Variants in PDZD2 observed in about 807,000 individuals in gnomAD.
PDZD2 encodes the protein PDZ domain-containing protein 2.
A neutral mutation model predicts 220.7 loss-of-function variants in PDZD2; 90 were observed. The ratio of observed to expected loss-of-function variants is 0.41; its 90% CI spans 0.34 to 0.49. The LOEUF is 0.49. Among genes scored for constraint, PDZD2 ranks in the 20% least tolerant of loss-of-function variants. The pLI is 0.28. For synonymous variants in PDZD2, 1,375 were observed against 1,450.5 expected, an observed-to-expected ratio of 0.95 and a Z score of 1.18; for missense variants, 3,174 against 3,608.5, an observed-to-expected ratio of 0.88 and a Z score of 3.08.
chr5:31,887,157 A>G (rs190768417), intron 2 of PDZD2, among the ~76,000 whole-genome samples: 6 of 152,332 alleles, frequency 3.9e-5, no homozygotes, highest in East Asian at 3.9e-4. Context: ...GACCAGTTCA[A>G]TGAGTTCTGA....
intron 19 of PDZD2, among the ~76,000 whole-genome samples, chr5:32,079,269 C>CAAA (rs796887034): frequency 3.6e-5 from 3 of 82,834 alleles, no homozygotes; most frequent in African/African-American, 1.6e-4. Flanking sequence ...AAAAAAAAAA[C>CAAA]AAAAAAAAAA....
intron 18 of PDZD2, 124 bp downstream of exon 18, chr5:32,074,767 T>A: frequency 1.5e-6 from 1 of 660,044 alleles, no homozygotes; most frequent in South Asian, 2.0e-5. Context: ...AGAATTATCT[T>A]TCAACAGAGT....
intron 2 of PDZD2, among the ~76,000 whole-genome samples, chr5:31,890,270 A>G (rs1740908154): frequency 1.3e-5 from 2 of 151,870 alleles, no homozygotes; most frequent in Admixed American, 6.6e-5. Context: ...CACGTGTGAA[A>G]TGTGACGCAC....
chr5:31,961,368 CAA>C (rs60867902), intron 2 of PDZD2, among the ~76,000 whole-genome samples: 9 of 130,738 alleles, frequency 6.9e-5, no homozygotes, highest in Non-Finnish European at 6.5e-5. Flanking sequence ...TCCGTCTCTA[CAA>C]AAAAAAAAAA....
chr5:32,003,368 A>AC (rs1561318202), intron 5 of PDZD2, among the ~76,000 whole-genome samples: 8 of 58,104 alleles, frequency 1.4e-4, no homozygotes, highest in East Asian at 1.3e-3. Flanking sequence ...CACACCACAC[A>AC]CACACCACAC....
At chr5:31,821,002 C>A (rs1755805855) in intron 2 of PDZD2, among the ~76,000 whole-genome samples, 1 of 151,928 alleles carries the variant, frequency 6.6e-6, no homozygotes, top group Non-Finnish European at 1.5e-5. Flanking sequence ...CCCTCATCTG[C>A]AGCACTGGAT....
intron 2 of PDZD2, among the ~76,000 whole-genome samples, chr5:31,934,490 C>T (rs962912731): frequency 6.6e-6 from 1 of 151,220 alleles, no homozygotes; most frequent in Non-Finnish European, 1.5e-5. Flanking sequence ...CAGTAAAAGG[C>T]GGATCCTGTT....
chr5:31,994,026 G>A (rs1336102284), intron 3 of PDZD2, among the ~76,000 whole-genome samples: 1 of 151,660 alleles, frequency 6.6e-6, no homozygotes, highest in Non-Finnish European at 1.5e-5. Flanking sequence ...TGTTTTTTTT[G>A]TTTGTTGGGG....
Position 32,090,748 on chromosome 5 carries a change from A to C in PDZD2, c.7300A>C (p.Ser2434Arg). ...TISRQNPPET[S>R]SKGSDSELKK... ...CTCTCGGCAGAACCCACCAGAGACC[A>C]GTAGCAAGGGCTCTGATTCGGAACT... is the stretch of plus-strand genomic sequence containing the variant. Residue 2434 changes from serine to arginine, a missense_variant, in exon 20 of 25, where the codon AGT becomes CGT. Transcript: ENST00000438447. This position sits in a 1 kb window ranked among gnomAD's most constrained non-coding sequence, Gnocchi z 4.3. 1 of 1,614,138 alleles carries C rather than the reference A, an allele frequency of 6.2e-7. No homozygotes were observed. The highest frequency in any genetic ancestry group is 8.5e-7 in the Non-Finnish European group (1 of 1,179,992).
intron 19 of PDZD2, among the ~76,000 whole-genome samples, chr5:32,079,101 CAT>C (rs369165524): frequency 1.0e-4 from 15 of 150,476 alleles, no homozygotes; most frequent in African/African-American, 3.2e-4. Context: ...CTCTACTAAA[CAT>C]AAAAAAATTA....
At chr5:31,908,889 A>G (rs1742930663) in intron 2 of PDZD2, 2 of 407,666 alleles carry the variant, frequency 4.9e-6, no homozygotes, top group East Asian at 6.8e-5. Context: ...TACCAAAAAT[A>G]CAGAAAATTA....
At position 32,072,412 on chromosome 5, in the gene PDZD2, C is replaced by T. The variant is rs562154450; in HGVS notation, c.2725+95C>T. 29 of 984,466 alleles carry T rather than the reference C, an allele frequency of 2.9e-5. No individual in the cohort carries two copies. In the East Asian group the frequency reaches 6.1e-4, roughly 21 times the overall value. 61.0% of individuals were successfully genotyped at this position (984,466 alleles called of 1,614,324 possible). ...GCTGGCGGCTACAATGGTTTAGCTACCCTGGCGCTGTAATACGAGAAAAGA... is the reference window on the plus strand; with the variant it reads ...GCTGGCGGCTACAATGGTTTAGCTATCCTGGCGCTGTAATACGAGAAAAGA... On this transcript the variant is annotated intron_variant, in intron 17 of 24. Coordinates refer to ENST00000438447, the MANE Select transcript of PDZD2 (RefSeq NM_178140.4).
intron 2 of PDZD2, among the ~76,000 whole-genome samples, chr5:31,962,141 T>C (rs1195204767): frequency 1.3e-5 from 2 of 152,246 alleles, no homozygotes; most frequent in African/African-American, 4.8e-5. Context: ...TTGGACCTTA[T>C]AAACTTTGTG....
chr5:31,972,366 A>G (rs1474115831), intron 2 of PDZD2, among the ~76,000 whole-genome samples: 2 of 152,146 alleles, frequency 1.3e-5, no homozygotes, highest in Non-Finnish European at 2.9e-5. Flanking sequence ...CACCCGCCTC[A>G]GTCTCCCCAA....
At chr5:31,967,603 CG>C (rs1474491282) in intron 2 of PDZD2, among the ~76,000 whole-genome samples, 1 of 152,144 alleles carries the variant, frequency 6.6e-6, no homozygotes. Flanking sequence ...CTCTGAGATA[CG>C]GTCTGCCCTC....
chr5:31,647,854 G>A (rs543322900), intron 1 of PDZD2, among the ~76,000 whole-genome samples: 1 of 152,258 alleles, frequency 6.6e-6, no homozygotes, highest in Admixed American at 6.5e-5. Flanking sequence ...TTGTGGTTAC[G>A]GAATTCTCTG....
At chr5:32,107,126 T>C (rs967120078) in intron 24 of PDZD2, among the ~76,000 whole-genome samples, 10 of 152,218 alleles carry the variant, frequency 6.6e-5, no homozygotes, top group East Asian at 3.8e-4. Flanking sequence ...CCATTTTTTT[T>C]CCATAAGATG....
At chr5:31,819,438 C>T (rs1367550901) in intron 2 of PDZD2, among the ~76,000 whole-genome samples, 1 of 152,008 alleles carries the variant, frequency 6.6e-6, no homozygotes, top group Non-Finnish European at 1.5e-5. Context: ...GGGTGGATCA[C>T]CTGAGGTCAG....
At position 32,077,479 on chromosome 5, in the gene PDZD2, G is replaced by C. The variant is rs767031371; in HGVS notation, c.3555G>C (p.Leu1185=). The change falls in exon 19 of 25, where the codon CTG becomes CTC. Residue 1185 remains leucine, a synonymous_variant. Transcript: ENST00000438447. ...GAVEKESLGK[L]TTGDACVSTS... Reference sequence around the variant, plus strand: ...TGTGCCAGGAATCTCTGGGAAAGCTGACCACTGGAGATGCTTGTGTCTCTA... The same window carrying C: ...TGTGCCAGGAATCTCTGGGAAAGCTCACCACTGGAGATGCTTGTGTCTCTA... 11 of 1,613,794 alleles carry C rather than the reference G, an allele frequency of 6.8e-6. No homozygotes were observed. Among genetic ancestry groups the C allele is most frequent in the Non-Finnish European group, 9.3e-6 (11 of 1,179,976 alleles).
Sources: allele counts gnomAD v4.1 joint callset (sites outside exome capture counted in the v4.1 genomes callset), GRCh38; gene constraint gnomAD v4.1.1; non-coding constraint Gnocchi (gnomAD v3.1); transcripts MANE v1.5; gene names NCBI Gene and HGNC (gene_info 2026-07-23, HGNC 2026-07-21).